EHF: variants seen among roughly 807,000 people sequenced by gnomAD.
EHF encodes ESE3 transcription factor.
A neutral mutation model predicts 45.1 loss-of-function variants in EHF; 14 were observed. The ratio of observed to expected loss-of-function variants is 0.31; its 90% CI spans 0.21 to 0.49. The LOEUF (loss-of-function observed/expected upper bound fraction) is 0.49, where lower values mean the gene tolerates loss of function less well. Among genes scored for constraint, EHF ranks in the 20% least tolerant of loss-of-function variants. The probability of loss-of-function intolerance (pLI) is 0.99; values close to 1 mark genes in which losing one functional copy is unlikely to be tolerated. For missense variants in EHF, 282 were observed against 371.4 expected, an observed-to-expected ratio of 0.76 and a Z score of 1.98; for synonymous variants, 136 against 131.8, an observed-to-expected ratio of 1.03 and a Z score of -0.22.
chr11:34,644,877 G>A (rs1246439164), intron 2 of EHF, among the ~76,000 whole-genome samples: 1 of 152,248 alleles, frequency 6.6e-6, no homozygotes, highest in East Asian at 1.9e-4. Context: ...CATTTGAACA[G>A]TATTCCCTGG....
chr11:34,625,418 G>C (rs1852291696), intron 1 of EHF, among the ~76,000 whole-genome samples: 1 of 152,340 alleles, frequency 6.6e-6, no homozygotes, highest in African/African-American at 2.4e-5. Context: ...TGGACATTTA[G>C]GCACTCGTGG....
At chr11:34,649,132 G>A (rs540501039) in intron 4 of EHF, 51 bp downstream of exon 4, 2 of 1,595,652 alleles carry the variant, frequency 1.3e-6, no homozygotes, top group Non-Finnish European at 1.7e-6. Context: ...AAGCTCCGGG[G>A]AGGACAGTTG....
chr11:34,629,710 A>G (rs1852695494), intron 1 of EHF, among the ~76,000 whole-genome samples: 1 of 152,182 alleles, frequency 6.6e-6, no homozygotes. Context: ...GATGGAATTC[A>G]GGCTCCCCCA....
chr11:34,623,289 T>C (rs1852109653), intron 1 of EHF, among the ~76,000 whole-genome samples: 1 of 152,138 alleles, frequency 6.6e-6, no homozygotes. Context: ...TTTTACCATG[T>C]CAGCCAGGCT....
chr11:34,647,749 G>A (rs945417123), intron 3 of EHF, among the ~76,000 whole-genome samples: 6 of 152,182 alleles, frequency 3.9e-5, no homozygotes, highest in South Asian at 4.1e-4. Flanking sequence ...TTGTGGCTGC[G>A]GTGGCCATTT....
chr11:34,648,001 T>G (rs1476029557), intron 3 of EHF, among the ~76,000 whole-genome samples: 1 of 152,112 alleles, frequency 6.6e-6, no homozygotes, highest in African/African-American at 2.4e-5. Flanking sequence ...GCCTGGGAGG[T>G]GCTGTGGCCA....
intron 1 of EHF, among the ~76,000 whole-genome samples, chr11:34,639,495 G>A (rs1352817154): frequency 1.3e-5 from 2 of 152,190 alleles, no homozygotes; most frequent in Admixed American, 6.5e-5. Context: ...GGCTGTTGGG[G>A]CAAGTGTCTT....
At chr11:34,633,095 C>CA (rs1411062165) in intron 1 of EHF, among the ~76,000 whole-genome samples, 2 of 152,134 alleles carry the variant, frequency 1.3e-5, no homozygotes, top group Non-Finnish European at 2.9e-5. Context: ...GCTCCTGATG[C>CA]AAGTAACCAT....
At chr11:34,647,054 A>C (rs144749073) in intron 3 of EHF, among the ~76,000 whole-genome samples, 2,203 of 150,404 alleles carry the variant, frequency 0.015, 50 homozygotes, top group African/African-American at 0.051. Flanking sequence ...CAAAAAAAAA[A>C]ACAAAAAACA....
At chr11:34,638,562 A>T (rs1405503605) in intron 1 of EHF, among the ~76,000 whole-genome samples, 1 of 152,102 alleles carries the variant, frequency 6.6e-6, no homozygotes, top group East Asian at 1.9e-4. Flanking sequence ...TTTAACCAGT[A>T]TTCTCCACTG....
intron 1 of EHF, chr11:34,641,991 A>AT (rs940121277): frequency 6.6e-6 from 1 of 151,950 alleles, no homozygotes; most frequent in Non-Finnish European, 1.5e-5. Flanking sequence ...GAAAGGAAAA[A>AT]TTTTTTTCTT....
intron 3 of EHF, among the ~76,000 whole-genome samples, chr11:34,647,675 A>C (rs1590507540): frequency 6.6e-6 from 1 of 152,304 alleles, no homozygotes; most frequent in East Asian, 1.9e-4. Flanking sequence ...AGGGCTGTGA[A>C]CCAGAGTCAT....
chr11:34,645,736 C>G (rs187836893), intron 2 of EHF, among the ~76,000 whole-genome samples: 1 of 152,270 alleles, frequency 6.6e-6, no homozygotes, highest in East Asian at 1.9e-4. Flanking sequence ...GCTGAAAGAA[C>G]AGCATAGAGA....
chr11:34,643,911 C>T (rs1854264741), intron 2 of EHF, among the ~76,000 whole-genome samples: 1 of 152,202 alleles, frequency 6.6e-6, no homozygotes, highest in South Asian at 2.1e-4. Context: ...TGGGGTGCCA[C>T]TTTTATTTCT....
At chr11:34,635,633 G>A (rs1237246308) in intron 1 of EHF, among the ~76,000 whole-genome samples, 1 of 151,214 alleles carries the variant, frequency 6.6e-6, no homozygotes, top group African/African-American at 2.4e-5. Context: ...AAGGGACTCA[G>A]AGGAAAGAGA....
At chr11:34,646,413 T>C (rs1391198451) in intron 2 of EHF, 26 bp from the exon 3 acceptor site, 1 of 1,612,940 alleles carries the variant, frequency 6.2e-7, no homozygotes, top group South Asian at 1.1e-5. Context: ...CAGGGGTCAC[T>C]CATGAGGCTG....
At position 34,656,972 on chromosome 11, in the gene EHF, T is replaced by G; in HGVS notation, c.607+2T>G. ...CCAAGTGCCACACCAAAAAGCACAG[T>G]AAGTTGGCTGGCTTTCAGATGGCCT... On this transcript the variant is annotated splice_donor_variant, in intron 7 of 8. Coordinates refer to ENST00000257831, the MANE Select transcript of EHF (RefSeq NM_012153.6). LOFTEE classifies it high-confidence loss of function. The G allele has an allele frequency of 6.2e-7, 1 of 1,613,454 alleles. No individual in the cohort carries two copies. Among genetic ancestry groups the G allele is most frequent in the Non-Finnish European group, 8.5e-7 (1 of 1,179,690 alleles).
chr11:34,662,285 C>A lies in EHF; in HGVS notation c.*3354C>A, dbSNP rs182003784. 5.1e-4 allele frequency among the ~76,000 whole-genome samples: 78 copies of A among 152,168 alleles called. No homozygotes were observed. Among genetic ancestry groups the A allele is most frequent in the African/African-American group, 1.8e-3 (74 of 41,518 alleles). ...TGGAATAAGAGCACAACGGCACAACCTTCAAGGACATATTATCTACTATGA... is the reference window on the plus strand; with the variant it reads ...TGGAATAAGAGCACAACGGCACAACATTCAAGGACATATTATCTACTATGA... On this transcript the variant is annotated 3_prime_UTR_variant, in exon 9 of 9. Coordinates refer to ENST00000257831, the MANE Select transcript of EHF (RefSeq NM_012153.6).
intron 2 of EHF, among the ~76,000 whole-genome samples, chr11:34,645,093 C>T (rs1854383214): frequency 1.3e-5 from 2 of 152,106 alleles, no homozygotes; most frequent in African/African-American, 4.8e-5. Flanking sequence ...CTCATCTTTC[C>T]TGAAAGAGAG....
Sources: allele counts gnomAD v4.1 joint callset (sites outside exome capture counted in the v4.1 genomes callset), GRCh38; gene constraint gnomAD v4.1.1; transcripts MANE v1.5; gene names NCBI Gene and HGNC (gene_info 2026-07-23, HGNC 2026-07-21).